Variants in AGPAT3 observed in about 807,000 individuals in gnomAD.
AGPAT3 encodes 1-acylglycerol-3-phosphate O-acyltransferase 3.
A neutral mutation model predicts 47.3 loss-of-function variants in AGPAT3; 5 were observed. That is an observed-to-expected ratio of 0.11 (90% confidence interval 0.06 to 0.22). The LOEUF is 0.22. Among genes scored for constraint, AGPAT3 ranks in the 10% least tolerant of loss-of-function variants. The probability of loss-of-function intolerance (pLI) is 1.00; values close to 1 mark genes in which losing one functional copy is unlikely to be tolerated. For synonymous variants in AGPAT3, 212 were observed against 208.3 expected (o/e 1.02, Z -0.15); for missense variants, 315 against 493.0 (o/e 0.64, Z 3.42).
intron 2 of AGPAT3, among the ~76,000 whole-genome samples, chr21:43,929,630 G>T (rs986675790): frequency 1.3e-5 from 2 of 152,382 alleles, no homozygotes; most frequent in Admixed American, 1.3e-4. Context: ...ACCGGACACG[G>T]CCTGCCAGAG....
At position 43,922,747 on chromosome 21, in the gene AGPAT3, T is replaced by C. The variant is rs532752457; in HGVS notation, c.-49+18728T>C. On this transcript the variant is annotated intron_variant, in intron 2 of 9. Transcript: ENST00000291572. This position sits in a 1 kb window ranked among gnomAD's most constrained non-coding sequence, Gnocchi z 4.9. ...TGTGCCAGGCAGGGCACTCCGTCAG[T>C]GTAGGGTCTCCCAGCACAGGGGCTG... Among the ~76,000 whole-genome samples the C allele has an allele frequency of 6.6e-6, 1 of 150,666 alleles. No individual in the cohort carries two copies. Among genetic ancestry groups the C allele is most frequent in the Non-Finnish European group, 1.5e-5 (1 of 67,656 alleles).
At chr21:43,958,092 T>C (rs2088579798) in intron 2 of AGPAT3, among the ~76,000 whole-genome samples, 2 of 152,230 alleles carry the variant, frequency 1.3e-5, no homozygotes, top group African/African-American at 4.8e-5. Context: ...TTTGCAGAGA[T>C]TGATTGTGCA....
Position 43,941,377 on chromosome 21 carries a change from G to T in AGPAT3, c.-48-18257G>T, listed in dbSNP as rs181869720. Among the ~76,000 whole-genome samples the T allele has an allele frequency of 1.1e-3, 172 of 152,264 alleles. 3 individuals carry two copies. Among genetic ancestry groups the T allele is most frequent in the Admixed American group, 0.011 (167 of 15,280 alleles). ...GATGCCCAGTCTTCCCCATGACTCA[G>T]TTTATGTAAAAACGATCAATACTAT... On this transcript the variant is annotated intron_variant, in intron 2 of 9. Coordinates refer to ENST00000291572, the MANE Select transcript of AGPAT3 (RefSeq NM_020132.5).
In AGPAT3 at chr21:43,922,350, G is replaced by A. The variant is rs949255424; in HGVS notation, c.-49+18331G>A. 6.6e-6 allele frequency among the ~76,000 whole-genome samples: 1 copy of A among 152,224 alleles called. No individual in the cohort carries two copies. Among genetic ancestry groups the A allele is most frequent in the Non-Finnish European group, 1.5e-5 (1 of 68,048 alleles). Reference sequence around the variant, plus strand: ...TGGGGGGAAGCGTGCGTGCGAAGGAGTGCAGCCCCCAGGACGCTGGGCCGA... The same window carrying A: ...TGGGGGGAAGCGTGCGTGCGAAGGAATGCAGCCCCCAGGACGCTGGGCCGA... On this transcript the variant is annotated intron_variant, in intron 2 of 9. Transcript: ENST00000291572. This position sits in a 1 kb window ranked among gnomAD's most constrained non-coding sequence, Gnocchi z 4.9.
intron 2 of AGPAT3, among the ~76,000 whole-genome samples, chr21:43,923,917 T>G (rs1197402066): frequency 6.6e-6 from 1 of 151,966 alleles, no homozygotes; most frequent in African/African-American, 2.4e-5. Context: ...GGCTGGGGAG[T>G]GCTGTCGAGG....
chr21:43,926,636 CTTTTTTTTTTTTTTTTT>C (rs557494803), intron 2 of AGPAT3, among the ~76,000 whole-genome samples: 17 of 86,540 alleles, frequency 2.0e-4, no homozygotes, highest in Non-Finnish European at 3.3e-4. Context: ...CTACGCTGGC[CTTTTTTTTTTTTTTTTT>C]TTTTTTTTTT....
intron 1 of AGPAT3, among the ~76,000 whole-genome samples, chr21:43,899,237 CTT>C (rs1400955384): frequency 6.6e-6 from 1 of 152,210 alleles, no homozygotes; most frequent in Non-Finnish European, 1.5e-5. Flanking sequence ...TTGCAGAACT[CTT>C]GGTTGGCAGT....
At chr21:43,865,837 C>G (rs556086462) in intron 1 of AGPAT3, among the ~76,000 whole-genome samples, 2 of 151,868 alleles carry the variant, frequency 1.3e-5, no homozygotes, top group African/African-American at 4.8e-5. Flanking sequence ...GACCCGGGAC[C>G]CCCCCCAGGG....
At chr21:43,905,928 G>A (rs2086482832) in intron 2 of AGPAT3, among the ~76,000 whole-genome samples, 2 of 152,244 alleles carry the variant, frequency 1.3e-5, no homozygotes, top group South Asian at 4.1e-4. Context: ...TGTGGCGCAC[G>A]TGGGCTTGTG....
At chr21:43,942,512 C>T (rs897124899) in intron 2 of AGPAT3, among the ~76,000 whole-genome samples, 3 of 152,226 alleles carry the variant, frequency 2.0e-5, no homozygotes, top group African/African-American at 4.8e-5. Flanking sequence ...TGGAGACGCC[C>T]GCCCCTGCGG....
intron 1 of AGPAT3, among the ~76,000 whole-genome samples, chr21:43,875,076 G>C (rs953878880): frequency 6.6e-6 from 1 of 152,104 alleles, no homozygotes; most frequent in African/African-American, 2.4e-5. Flanking sequence ...CGCCTCCCAG[G>C]TTCAAGCAAT....
intron 1 of AGPAT3, among the ~76,000 whole-genome samples, chr21:43,901,790 A>G (rs541713389): frequency 6.6e-6 from 1 of 152,274 alleles, no homozygotes; most frequent in South Asian, 2.1e-4. Flanking sequence ...AAAAAGACCC[A>G]AATAAATCTT....
chr21:43,870,129 G>A (rs577154743), intron 1 of AGPAT3, among the ~76,000 whole-genome samples: 91 of 152,332 alleles, frequency 6.0e-4, no homozygotes, highest in African/African-American at 2.0e-3. Context: ...AACCACAGCC[G>A]TCCTCCTTGG....
At position 43,930,976 on chromosome 21, in the gene AGPAT3, C is replaced by G. The variant is rs914608460; in HGVS notation, c.-49+26957C>G. 1.3e-5 allele frequency among the ~76,000 whole-genome samples: 2 copies of G among 152,022 alleles called. No individual in the cohort carries two copies. Among genetic ancestry groups the G allele is most frequent in the Admixed American group, 1.3e-4 (2 of 15,266 alleles). On this transcript the variant is annotated intron_variant, in intron 2 of 9. Transcript: ENST00000291572. The surrounding 1 kb of genome is among the most constrained non-coding windows in gnomAD (Gnocchi z 5.0). ...TCCTGGGGCAGGGGCTGTGGGGGCT[C>G]TAGAGTGGGGGTGAACGCACGTCTG...
intron 1 of AGPAT3, among the ~76,000 whole-genome samples, chr21:43,887,327 A>AG (rs1349428551): frequency 6.6e-6 from 1 of 152,240 alleles, no homozygotes; most frequent in Non-Finnish European, 1.5e-5. Context: ...AACCAAATGC[A>AG]GCCTAGGAAC....
intron 2 of AGPAT3, among the ~76,000 whole-genome samples, chr21:43,915,049 T>G (rs1211385137): frequency 6.6e-6 from 1 of 152,152 alleles, no homozygotes; most frequent in Non-Finnish European, 1.5e-5. Flanking sequence ...TATTTTATTT[T>G]GATGATTATT....
chr21:43,907,219 G>A (rs1194882833), intron 2 of AGPAT3, among the ~76,000 whole-genome samples: 2 of 151,658 alleles, frequency 1.3e-5, no homozygotes, highest in Admixed American at 1.3e-4. Flanking sequence ...TGTAGAGACC[G>A]GGTTTTGCCA....
intron 2 of AGPAT3, among the ~76,000 whole-genome samples, chr21:43,945,817 A>T (rs981307611): frequency 6.6e-6 from 1 of 152,000 alleles, no homozygotes. Flanking sequence ...AGGTCCAGGC[A>T]CTCTTTGTTT....
At chr21:43,936,863 C>T (rs773492326) in intron 2 of AGPAT3, among the ~76,000 whole-genome samples, 2 of 152,246 alleles carry the variant, frequency 1.3e-5, no homozygotes, top group African/African-American at 4.8e-5. Context: ...TTTGCAACTG[C>T]ACGGCCTGTT....
Sources: gnomAD v4.1 joint callset for allele counts (sites outside exome capture counted in the v4.1 genomes callset) on GRCh38, gnomAD v4.1.1 for gene constraint, Gnocchi (gnomAD v3.1) non-coding constraint, MANE v1.5 for transcripts, NCBI Gene and HGNC (gene_info 2026-07-23, HGNC 2026-07-21) for gene names.